Variants in MACF1 observed in about 807,000 individuals in gnomAD.
The protein encoded by MACF1 is microtubule-actin cross-linking factor 1.
In MACF1, 193 loss-of-function variants were observed where a neutral mutation model predicts 854.8. The observed-to-expected ratio is 0.23, with a 90% CI of 0.20 to 0.25. MACF1 has a LOEUF of 0.25. Among genes scored for constraint, MACF1 ranks in the 10% least tolerant of loss-of-function variants. MACF1 has a pLI of 1.00. For missense variants in MACF1, 7,722 were observed against 8,929.1 expected (o/e 0.86, Z 5.45); for synonymous variants, 3,185 against 3,226.7 (o/e 0.99, Z 0.44).
At position 39,249,999 on chromosome 1, in the gene MACF1, C is replaced by T. The variant is rs772602716; in HGVS notation, c.172-15C>T. The stretch of plus-strand genomic sequence containing the variant: ...ATATCAAATAAAAATCTGTCTGTTT[C>T]ACTCTCATTCACAGGTCCGCAAGCA... On this transcript the variant is annotated splice_polypyrimidine_tract_variant and intron_variant, in intron 2 of 100. Transcript: ENST00000564288. The T allele has an allele frequency of 3.3e-6, 5 of 1,502,262 alleles. No homozygotes were observed. Among genetic ancestry groups the T allele is most frequent in the Non-Finnish European group, 1.8e-6 (2 of 1,082,888 alleles). The allele number at this position is 1,502,262 out of a possible 1,614,324, so 93.1% of individuals were successfully genotyped here.
rs144057044 is a variant in MACF1, at chr1:39,182,897, G to T, written c.221-48285G>T. Among the ~76,000 whole-genome samples the T allele has an allele frequency of 3.9e-4, 59 of 152,166 alleles. 1 individual carries two copies. The South Asian group carries it at 0.011, about 29-fold the overall frequency. On this transcript the variant is annotated intron_variant, in intron 2 of 93. Transcript: ENST00000361689. The stretch of plus-strand genomic sequence containing the variant: ...GAAAACATATATTCATAGAAAACTC[G>T]TACATAAATGTTCATAGCAGCATTA...
intron 2 of MACF1, among the ~76,000 whole-genome samples, chr1:39,094,661 T>C (rs1571030403): frequency 6.6e-6 from 1 of 150,638 alleles, no homozygotes; most frequent in Non-Finnish European, 1.5e-5. Flanking sequence ...GAAGTTGCGG[T>C]GAGCTGAGAT....
At position 39,285,326 on chromosome 1, in the gene MACF1, A is replaced by C. The variant is rs759743724; in HGVS notation, c.1289A>C (p.Lys430Thr). Reference protein sequence around the residue: ...RLELLLQIANKIQNGALNCEE... With the variant: ...RLELLLQIANTIQNGALNCEE... ...GAATTGCTGCTACAGATTGCAAACA[A>C]AATCCAGAATGGTGCTTTGAACTGT... is the stretch of plus-strand genomic sequence containing the variant. The change falls in exon 13 of 101, where the codon AAA becomes ACA. Residue 430 changes from lysine (K) to threonine (T), a missense_variant. By Grantham distance (78) the Lys-to-Thr change is moderately conservative. Around this residue, in one of 15 missense-constraint regions of MACF1, gnomAD observed 1,137 missense variants for 1,263.0 expected, o/e 0.90. Coordinates refer to ENST00000564288, the MANE Select transcript of MACF1 (RefSeq NM_001394062.1). The C allele has an allele frequency of 3.1e-6, 5 of 1,614,184 alleles. No individual in the cohort carries two copies. The highest frequency in any genetic ancestry group is 4.2e-6 in the Non-Finnish European group (5 of 1,180,036).
rs773034088 is a variant in MACF1, at chr1:39,084,450, C to A, written c.220+12C>A. On this transcript the variant is annotated intron_variant, in intron 2 of 93. Coordinates refer to the MACF1 transcript ENST00000361689. The surrounding 1 kb of genome is among the most constrained non-coding windows in gnomAD (Gnocchi z 5.2). The stretch of plus-strand genomic sequence containing the variant: ...GGTCAGAGTCGCTGGTAAGAGAGGT[C>A]CCCCAGCAGGCTGGACGCTGTGGGT... 8.1e-6 allele frequency: 13 copies of A among 1,601,528 alleles called. No individual in the cohort carries two copies. The highest frequency in any genetic ancestry group is 5.3e-5 in the African/African-American group (4 of 74,934).
Position 39,319,741 on chromosome 1 carries a change from T to C in MACF1, c.4023T>C (p.Ile1341=). 3 of 1,610,136 alleles carry C rather than the reference T, an allele frequency of 1.9e-6. No homozygotes were observed. The highest frequency in any genetic ancestry group is 1.1e-5 in the South Asian group (1 of 90,636). The change falls in exon 31 of 101, where the codon ATT becomes ATC. Residue 1341 remains isoleucine, a synonymous_variant. Transcript: ENST00000564288. ...CQKFSQQYST[I]VKDYELQLMT... is the part of the protein sequence containing the mutation. ...AATTTTCCCAGCAGTACTCTACTAT[T>C]GTAAAGGTAACTTTACCACATCCCA...
At chr1:39,121,544 G>T (rs1417313117) in intron 2 of MACF1, among the ~76,000 whole-genome samples, 1 of 152,114 alleles carries the variant, frequency 6.6e-6, no homozygotes. Flanking sequence ...CGCCTCCCGG[G>T]TTCAAGTGAT....
chr1:39,321,654 C>G (rs1646517733), intron 31 of MACF1, among the ~76,000 whole-genome samples: 1 of 152,154 alleles, frequency 6.6e-6, no homozygotes, highest in South Asian at 2.1e-4. Flanking sequence ...AGGCCTTGTT[C>G]CATTGTTGTG....
intron 60 of MACF1, among the ~76,000 whole-genome samples, chr1:39,423,163 G>T (rs897413731): frequency 6.6e-6 from 1 of 152,046 alleles, no homozygotes; most frequent in Admixed American, 6.5e-5. Flanking sequence ...GAGGTTTTTG[G>T]TGTTTTCAGG....
At chr1:39,249,964 T>C in intron 2 of MACF1, 50 bp from the exon 3 acceptor site, 1 of 1,051,594 alleles carries the variant, frequency 9.5e-7, no homozygotes, top group East Asian at 2.4e-5. Context: ...GTGGATAGTA[T>C]AATAATTCAA....
chr1:39,123,824 A>G (rs960641726), intron 2 of MACF1, among the ~76,000 whole-genome samples: 1 of 149,612 alleles, frequency 6.7e-6, no homozygotes, highest in Non-Finnish European at 1.5e-5. Context: ...CCTGGGTTCA[A>G]GCAATTCTCC....
chr1:39,122,255 CT>C lies in MACF1; in HGVS notation c.220+37834del, dbSNP rs138256170. On this transcript the variant is annotated intron_variant, in intron 2 of 93. Transcript: ENST00000361689. ...AGCCACTTCTGTGTTTGGTAATATT[CT>C]TTTTTTTTTTTTTTTTGAGATGGAG... 2.5e-3 allele frequency among the ~76,000 whole-genome samples: 343 copies of C among 135,834 alleles called. 1 individual carries two copies. The highest frequency in any genetic ancestry group is 4.0e-3 in the Middle Eastern group (1 of 252). 89.1% of individuals were successfully genotyped at this position (135,834 alleles called of 152,430 possible).
In MACF1 at chr1:39,451,182, C is replaced by A. The variant is rs754365738; in HGVS notation, c.20389C>A (p.Leu6797Ile). ...CCAGCCCGTGCACGGGGACCTTGAC[C>A]TCGTCATGAACCTCATGGATGCACA... ...EDQPVHGDLD[L>I]VMNLMDAHKV... The change falls in exon 85 of 101, where the codon CTC becomes ATC. Residue 6797 changes from leucine (L) to isoleucine (I), a missense_variant. Around this residue, in one of 15 missense-constraint regions of MACF1, gnomAD observed 729 missense variants for 900.5 expected, o/e 0.81. Coordinates refer to ENST00000564288, the MANE Select transcript of MACF1 (RefSeq NM_001394062.1). The A allele has an allele frequency of 3.5e-5, 56 of 1,613,964 alleles. No homozygotes were observed. The highest frequency in any genetic ancestry group is 4.7e-5 in the Non-Finnish European group (55 of 1,179,992).
At chr1:39,278,758 G>A (rs986041040) in intron 6 of MACF1, among the ~76,000 whole-genome samples, 11 of 152,246 alleles carry the variant, frequency 7.2e-5, no homozygotes, top group Middle Eastern at 3.4e-3. Context: ...AAATAGAATT[G>A]GTACTAGGAA....
Position 39,437,765 on chromosome 1 carries a change from A to C in MACF1, c.17989-12A>C. 6.3e-7 allele frequency: 1 copy of C among 1,588,430 alleles called. No homozygotes were observed. Among genetic ancestry groups the C allele is most frequent in the South Asian group, 1.1e-5 (1 of 90,534 alleles). On this transcript the variant is annotated splice_polypyrimidine_tract_variant and intron_variant, in intron 70 of 100. Coordinates refer to ENST00000564288, the MANE Select transcript of MACF1 (RefSeq NM_001394062.1). ...GGTATGCTGTGATGGTAATGTTCCA[A>C]CATTTGTTTAGTTTCATGATAAAAT... is the stretch of plus-strand genomic sequence containing the variant.
intron 2 of MACF1, among the ~76,000 whole-genome samples, chr1:39,233,007 T>TTTGTTGCTGTTGTTGTTG (rs1557532576): frequency 7.2e-6 from 1 of 139,386 alleles, no homozygotes; most frequent in African/African-American, 2.6e-5. Context: ...CTTTCTTGTT[T>TTTGTTGCTGTTGTTGTTG]TTGTTGTTGT....
At chr1:39,406,739 A>AC (rs1642719909) in intron 58 of MACF1, among the ~76,000 whole-genome samples, 1 of 99,902 alleles carries the variant, frequency 1.0e-5, no homozygotes, top group Admixed American at 1.2e-4. Flanking sequence ...AGTCTCACTC[A>AC]AAAAAAAAAA....
At chr1:39,117,495 TG>T (rs1376636442) in intron 2 of MACF1, among the ~76,000 whole-genome samples, 1 of 151,960 alleles carries the variant, frequency 6.6e-6, no homozygotes, top group African/African-American at 2.4e-5. Context: ...CTCCCTGGTT[TG>T]GCTTGTCCAG....
intron 58 of MACF1, among the ~76,000 whole-genome samples, 179 bp from the exon 59 acceptor site, chr1:39,422,195 G>A (rs1643566470): frequency 6.6e-6 from 1 of 152,234 alleles, no homozygotes; most frequent in Non-Finnish European, 1.5e-5. Context: ...ATAGGAGAAT[G>A]TATTGAAATA....
intron 21 of MACF1, among the ~76,000 whole-genome samples, 172 bp downstream of exon 21, chr1:39,297,917 CCTTTT>C (rs1190828614): frequency 2.0e-5 from 3 of 151,914 alleles, no homozygotes; most frequent in Admixed American, 2.0e-4. Flanking sequence ...TCCTTTTTTT[CCTTTT>C]CTTTTCTTAA....
Sources: allele counts gnomAD v4.1 joint callset (sites outside exome capture counted in the v4.1 genomes callset), GRCh38; gene constraint gnomAD v4.1.1; regional missense constraint gnomAD v4.1.1; non-coding constraint Gnocchi (gnomAD v3.1); transcripts MANE v1.5; gene names NCBI Gene and HGNC (gene_info 2026-07-23, HGNC 2026-07-21).